The following DIP2B variants were observed in gnomAD, a reference collection of about 807,000 sequenced individuals.
DIP2B encodes the protein DIP2 acetate--CoA ligase B (putative).
A neutral mutation model predicts 198.0 loss-of-function variants in DIP2B; 76 were observed. The ratio of observed to expected loss-of-function variants is 0.38; its 90% confidence interval spans 0.32 to 0.46. The LOEUF is 0.46. DIP2B is among the 20% of genes least tolerant of loss of function. The pLI is 0.99. For synonymous variants in DIP2B, 701 were observed against 739.1 expected, an observed-to-expected ratio of 0.95 and a Z score of 0.84; for missense variants, 1,559 against 1,978.4, an observed-to-expected ratio of 0.79 and a Z score of 4.02.
intron 4 of DIP2B, among the ~76,000 whole-genome samples, chr12:50,661,912 C>T (rs1288033296): frequency 1.3e-5 from 2 of 152,132 alleles, no homozygotes; most frequent in South Asian, 2.1e-4. Flanking sequence ...GCAGCAAAGA[C>T]CTTGAGAATG....
chr12:50,570,883 C>A (rs912767487), intron 1 of DIP2B, among the ~76,000 whole-genome samples: 1 of 152,086 alleles, frequency 6.6e-6, no homozygotes, highest in Admixed American at 6.5e-5. Flanking sequence ...TGGTTTTATT[C>A]TCTCAGAAAT....
rs1460868725 is a variant in DIP2B, at chr12:50,577,792, G to A, written c.101-48184G>A. On this transcript the variant is annotated intron_variant, in intron 1 of 37. Transcript: ENST00000301180. ...CCTCACATGTATCCCAGAAATTAAA[G>A]TAAAATTAAAAAAAAAAATCTGGCC... 2.0e-5 allele frequency among the ~76,000 whole-genome samples: 3 copies of A among 151,482 alleles called. No individual in the cohort carries two copies. The East Asian group carries it at 5.8e-4, about 29-fold the overall frequency.
chr12:50,558,344 C>T (rs1430834904), intron 1 of DIP2B, among the ~76,000 whole-genome samples: 2 of 152,210 alleles, frequency 1.3e-5, no homozygotes, highest in Non-Finnish European at 1.5e-5. Flanking sequence ...GGTCTAGATG[C>T]AGCAGTGCTG....
intron 1 of DIP2B, among the ~76,000 whole-genome samples, chr12:50,514,145 A>C (rs1958043411): frequency 6.8e-6 from 1 of 148,024 alleles, no homozygotes; most frequent in South Asian, 2.1e-4. Context: ...AGCTCACCAT[A>C]ACCTCCGCCT....
In DIP2B at chr12:50,691,066, A is replaced by T; in HGVS notation, c.1569A>T (p.Glu523Asp). Residue 523 changes from glutamate (E) to aspartate (D), a missense_variant, in exon 13 of 38, where the codon GAA becomes GAT. Physicochemically the swap from Glu to Asp is conservative, Grantham distance 45 (BLOSUM62 2). Coordinates refer to ENST00000301180, the MANE Select transcript of DIP2B (RefSeq NM_173602.3). ...TTTTCTAGTATAAAACAAGCAAAGAAGGGAGTGTAATGGGAGTTACAGTAT... is the reference window on the plus strand; with the variant it reads ...TTTTCTAGTATAAAACAAGCAAAGATGGGAGTGTAATGGGAGTTACAGTAT... ...PAYIEYKTSKEGSVMGVTVSR... is the reference protein window; with the variant it reads ...PAYIEYKTSKDGSVMGVTVSR... 6.2e-7 allele frequency: 1 copy of T among 1,614,050 alleles called. No individual in the cohort carries two copies. Among genetic ancestry groups the T allele is most frequent in the Non-Finnish European group, 8.5e-7 (1 of 1,179,974 alleles).
At chr12:50,571,559 T>G (rs984392370) in intron 1 of DIP2B, among the ~76,000 whole-genome samples, 3 of 145,542 alleles carry the variant, frequency 2.1e-5, no homozygotes, top group South Asian at 2.2e-4. Flanking sequence ...TTTTTTTTTT[T>G]TTTTTTTTTT....
intron 1 of DIP2B, among the ~76,000 whole-genome samples, chr12:50,529,730 G>C (rs1309007735): frequency 6.6e-6 from 1 of 152,032 alleles, no homozygotes; most frequent in African/African-American, 2.4e-5. Context: ...GTGGTGGCGT[G>C]TGCCTGTAAT....
intron 3 of DIP2B, among the ~76,000 whole-genome samples, chr12:50,646,614 G>C (rs13378012): frequency 0.32 from 48,687 of 151,820 alleles, 7,978 homozygotes; most frequent in South Asian, 0.39. Context: ...TAAAGATGAG[G>C]TTTCCCTGTG....
chr12:50,711,748 C>T (rs548157899), intron 22 of DIP2B, among the ~76,000 whole-genome samples: 5 of 152,188 alleles, frequency 3.3e-5, no homozygotes, highest in Non-Finnish European at 5.9e-5. Flanking sequence ...TTTTACTAGA[C>T]GGGGTTTCAC....
In DIP2B at chr12:50,692,988, C is replaced by T; in HGVS notation, c.1694C>T (p.Ala565Val). 6.2e-7 allele frequency: 1 copy of T among 1,610,590 alleles called. No individual in the cohort carries two copies. The highest frequency in any genetic ancestry group is 8.5e-7 in the Non-Finnish European group (1 of 1,179,180). ...IVNVLDFKKD[A>V]GLWHGMFANV... ...AATGTCTTAGACTTTAAGAAGGATG[C>T]TGGGCTGTGGCACGGCATGTTTGCG... Residue 565 changes from alanine to valine, a missense_variant, in exon 14 of 38, where the codon GCT (alanine) becomes GTT (valine). Transcript: ENST00000301180.
At chr12:50,709,264 T>C (rs1939569466) in intron 22 of DIP2B, among the ~76,000 whole-genome samples, 1 of 152,202 alleles carries the variant, frequency 6.6e-6, no homozygotes, top group African/African-American at 2.4e-5. Context: ...TTAATTGAAG[T>C]ATATAGTACC....
At chr12:50,732,603 C>A in intron 32 of DIP2B, 67 bp downstream of exon 32, 1 of 1,580,312 alleles carries the variant, frequency 6.3e-7, no homozygotes, top group Non-Finnish European at 8.6e-7. Context: ...AGAGCATGGG[C>A]TTTGGAGCCA....
chr12:50,539,488 G>A (rs528430360), intron 1 of DIP2B, among the ~76,000 whole-genome samples: 8 of 151,978 alleles, frequency 5.3e-5, no homozygotes, highest in Admixed American at 2.0e-4. Flanking sequence ...CGTAGTGGCA[G>A]GCGCCTGTAA....
At chr12:50,540,093 A>G in intron 1 of DIP2B, among the ~76,000 whole-genome samples, 1 of 102,214 alleles carries the variant, frequency 9.8e-6, no homozygotes, top group African/African-American at 3.7e-5. Context: ...GCTATTGCAA[A>G]TATCATAGCT....
intron 2 of DIP2B, among the ~76,000 whole-genome samples, chr12:50,632,662 G>C (rs1030050782): frequency 4.6e-5 from 7 of 150,940 alleles, no homozygotes; most frequent in African/African-American, 1.7e-4. Flanking sequence ...TCAGCCTCCT[G>C]AGTAGCCAGG....
At chr12:50,639,887 C>G (rs1938224151) in intron 2 of DIP2B, among the ~76,000 whole-genome samples, 1 of 152,102 alleles carries the variant, frequency 6.6e-6, no homozygotes, top group Non-Finnish European at 1.5e-5. Flanking sequence ...GAGAGTCAAG[C>G]TCATAAAAGC....
At chr12:50,640,885 C>T (rs192361772) in intron 3 of DIP2B, 33 bp downstream of exon 3, 17 of 1,602,028 alleles carry the variant, frequency 1.1e-5, no homozygotes, top group African/African-American at 2.7e-5. Flanking sequence ...CCAGCTGAAT[C>T]GTTTTCCTAA....
chr12:50,539,279 G>GCA (rs1244343122), intron 1 of DIP2B, among the ~76,000 whole-genome samples: 12 of 149,500 alleles, frequency 8.0e-5, no homozygotes, highest in African/African-American at 3.0e-4. Context: ...CGCCTAGGCT[G>GCA]GAGTGCAGTG....
chr12:50,666,520 G>A (rs1488281929), intron 4 of DIP2B, among the ~76,000 whole-genome samples: 5 of 152,174 alleles, frequency 3.3e-5, no homozygotes, highest in African/African-American at 9.7e-5. Flanking sequence ...GAGCAAGGGA[G>A]AATGATGAAC....
Sources: allele counts gnomAD v4.1 joint callset (sites outside exome capture counted in the v4.1 genomes callset), GRCh38; gene constraint gnomAD v4.1.1; transcripts MANE v1.5; gene names NCBI Gene and HGNC (gene_info 2026-07-23, HGNC 2026-07-21).